The following PCIF1 variants were observed in gnomAD, a reference collection of about 807,000 sequenced individuals.
PCIF1 encodes phosphorylated CTD interacting factor 1, also known as mRNA (2'-O-methyladenosine-N(6)-)-methyltransferase.
PCIF1 carries 12 observed loss-of-function variants against 86.9 expected under a neutral mutation model. The observed-to-expected ratio is 0.14, with a 90% confidence interval of 0.09 to 0.22. The LOEUF (loss-of-function observed/expected upper bound fraction) is 0.22. Ranked by LOEUF, PCIF1 falls within the 10% of genes least tolerant of loss-of-function variation. The probability of loss-of-function intolerance (pLI) is 1.00; values close to 1 mark genes in which losing one functional copy is unlikely to be tolerated. For missense variants in PCIF1, 701 were observed against 951.1 expected, an observed-to-expected ratio of 0.74 and a Z score of 3.46; for synonymous variants, 397 against 372.0, an observed-to-expected ratio of 1.07 and a Z score of -0.77.
rs918954173 is a variant in PCIF1, at chr20:45,937,415, C to T, written c.-187-3C>T. ...TGTGACTGTTTTCCTATTTGCTTTC[C>T]AGCTGCTGATGCAAGGAATCCCCTG... On this transcript the variant is annotated splice_region_variant and splice_polypyrimidine_tract_variant and intron_variant, in intron 1 of 16. Transcript: ENST00000372409. The T allele has an allele frequency of 1.8e-5, 7 of 399,182 alleles. No homozygotes were observed. The highest frequency in any genetic ancestry group is 1.4e-4 in the African/African-American group (7 of 48,632). 24.7% of individuals were successfully genotyped at this position (399,182 alleles called of 1,614,324 possible). A position where few individuals can be genotyped will look rare whatever the true frequency, so the allele number is the denominator to read the frequency against.
chr20:45,947,841 T>A lies in PCIF1; in HGVS notation c.*86T>A. 1 of 1,536,100 alleles carries A rather than the reference T, an allele frequency of 6.5e-7. No homozygotes were observed. Among genetic ancestry groups the A allele is most frequent in the Non-Finnish European group, 8.7e-7 (1 of 1,153,412 alleles). On this transcript the variant is annotated 3_prime_UTR_variant, in exon 17 of 17. Coordinates refer to ENST00000372409, the MANE Select transcript of PCIF1 (RefSeq NM_022104.4). This position sits in a 1 kb window ranked among gnomAD's most constrained non-coding sequence, Gnocchi z 5.4. ...CCTGGGGCCTCAGAGGGACCCCGGC[T>A]GCCACTGACATATGAAGATTATGGT...
At position 45,947,698 on chromosome 20, in the gene PCIF1, C is replaced by T; in HGVS notation, c.2058C>T (p.Ala686=). 6.2e-7 allele frequency: 1 copy of T among 1,608,886 alleles called. No individual in the cohort carries two copies. The highest frequency in any genetic ancestry group is 8.5e-7 in the Non-Finnish European group (1 of 1,177,328). The change falls in exon 17 of 17, where the codon GCC becomes GCT. Residue 686 remains alanine, a synonymous_variant. Coordinates refer to ENST00000372409, the MANE Select transcript of PCIF1 (RefSeq NM_022104.4). The surrounding 1 kb of genome is among the most constrained non-coding windows in gnomAD (Gnocchi z 5.4). ...SGSSSSSSSE[A]KDRDSGREQG... is the part of the protein sequence containing the mutation. ...CTTCCTCATCGTCCTCCTCGGAGGC[C>T]AAGGACCGGGACTCGGGCCGTGAGC...
At position 45,945,851 on chromosome 20, in the gene PCIF1, G is replaced by C; in HGVS notation, c.1309G>C (p.Val437Leu). Residue 437 changes from valine to leucine, a missense_variant, in exon 12 of 17, where the codon GTC becomes CTC. By Grantham distance (32) the Val-to-Leu change is conservative (BLOSUM62 1). Around this residue, in one of 7 missense-constraint regions of PCIF1, gnomAD observed 121 missense variants for 131.7 expected, o/e 0.92. Transcript: ENST00000372409. The part of the protein sequence containing the change: ...VVCIRYKGEM[V>L]KVSRNYFSKL... ...CTGCATCCGGTATAAGGGAGAGATG[G>C]TCAAGGTCAGCCGCAACTACTTCAG... 1 of 1,613,844 alleles carries C rather than the reference G, an allele frequency of 6.2e-7. No individual in the cohort carries two copies. The highest frequency in any genetic ancestry group is 8.5e-7 in the Non-Finnish European group (1 of 1,180,046).
rs2083488972 is a variant in PCIF1, at chr20:45,943,029, T to C, written c.674-68T>C. 3.0e-5 allele frequency: 45 copies of C among 1,509,826 alleles called. 1 individual carries two copies. The South Asian group carries it at 5.1e-4, about 17-fold the overall frequency. 93.5% of individuals were successfully genotyped at this position (1,509,826 alleles called of 1,614,324 possible). A position where few individuals can be genotyped will look rare whatever the true frequency, so the allele number is the denominator to read the frequency against. On this transcript the variant is annotated intron_variant, in intron 7 of 16. Transcript: ENST00000372409. This position sits in a 1 kb window ranked among gnomAD's most constrained non-coding sequence, Gnocchi z 5.5. ...TTACTGCTGAATGCGATGCTTCCTA[T>C]ACGTGCCAAGCTCCAAGTGGGACTG...
intron 4 of PCIF1, 64 bp downstream of exon 4, chr20:45,939,403 T>C: frequency 1.9e-6 from 3 of 1,602,510 alleles, no homozygotes; most frequent in Non-Finnish European, 2.5e-6. Context: ...CTTCCCCAAA[T>C]GTACCCTGAG....
chr20:45,943,453 G>T lies in PCIF1; in HGVS notation c.905+30G>T. On this transcript the variant is annotated intron_variant, in intron 9 of 16. Coordinates refer to ENST00000372409, the MANE Select transcript of PCIF1 (RefSeq NM_022104.4). This position sits in a 1 kb window ranked among gnomAD's most constrained non-coding sequence, Gnocchi z 5.5. ...GCCTGTCTTCTGCCCCAGGCGAGAT[G>T]GGTCTGTGATTAAAGTGGCAGGTCA... 1 of 1,598,640 alleles carries T rather than the reference G, an allele frequency of 6.3e-7. No individual in the cohort carries two copies.
Position 45,939,007 on chromosome 20 carries a change from A to G in PCIF1, c.8A>G (p.Asn3Ser), listed in dbSNP as rs775884705. The change falls in exon 3 of 17, where the codon AAT (asparagine) becomes AGT (serine). Residue 3 changes from asparagine (N) to serine (S), a missense_variant. Physicochemically the swap from Asn to Ser is conservative, Grantham distance 46. Coordinates refer to ENST00000372409, the MANE Select transcript of PCIF1 (RefSeq NM_022104.4). ...TCCTGTGTGGGTGTGGAGATGGCCA[A>G]TGAGAATCACGGCAGCCCCCGGGAG... Reference protein sequence around the residue: MANENHGSPREEA... With the variant: MASENHGSPREEA... The G allele has an allele frequency of 2.5e-5, 40 of 1,613,944 alleles. No individual in the cohort carries two copies. Among genetic ancestry groups the G allele is most frequent in the East Asian group, 4.5e-5 (2 of 44,874 alleles).
At chr20:45,939,364 G>A (rs754357336) in intron 4 of PCIF1, 25 bp downstream of exon 4, 24 of 1,611,926 alleles carry the variant, frequency 1.5e-5, no homozygotes, top group Middle Eastern at 1.7e-4. Flanking sequence ...AGGGTGGGGG[G>A]GTCTCAGAGT....
rs1181445376 is a variant in PCIF1 at position 45,939,602 on chromosome 20, T to TA, written c.249+264dup. 3.3e-5 allele frequency among the ~76,000 whole-genome samples: 5 copies of TA among 152,362 alleles called. No homozygotes were observed. In the East Asian group the frequency reaches 9.6e-4, roughly 29 times the overall value. On this transcript the variant is annotated intron_variant, in intron 4 of 16. Transcript: ENST00000372409. ...GAATGAACAAGGCAGACTTGCTCCCTACGGTCGCAGAGCACCCATGGGCTG... is the reference window on the plus strand; with the variant it reads ...GAATGAACAAGGCAGACTTGCTCCCTAACGGTCGCAGAGCACCCATGGGCTG...
Position 45,945,666 on chromosome 20 carries a change from G to A in PCIF1, c.1169-45G>A, listed in dbSNP as rs371281983. The A allele has an allele frequency of 1.8e-5, 29 of 1,593,280 alleles. 1 individual carries two copies. The highest frequency in any genetic ancestry group is 1.7e-4 in the Admixed American group (10 of 59,002). The stretch of plus-strand genomic sequence containing the variant: ...GCATGTGGCCCACAGTGGCTGCAGC[G>A]TGAGAATGAGGAGTGTGGTCCCTCA... On this transcript the variant is annotated intron_variant, in intron 11 of 16. Coordinates refer to ENST00000372409, the MANE Select transcript of PCIF1 (RefSeq NM_022104.4).
rs1296306269 is a variant in PCIF1, at chr20:45,943,593, C to T, written c.906-73C>T. 33 of 1,433,042 alleles carry T rather than the reference C, an allele frequency of 2.3e-5. No individual in the cohort carries two copies. Among genetic ancestry groups the T allele is most frequent in the Middle Eastern group, 1.9e-4 (1 of 5,206 alleles). The allele number at this position is 1,433,042 out of a possible 1,614,324, so 88.8% of individuals were successfully genotyped here. A position where few individuals can be genotyped will look rare whatever the true frequency, so the allele number is the denominator to read the frequency against. Reference sequence around the variant, plus strand: ...ATGGAAGCTAGGGGTTGATACCCAGCGAGCCCATGGAATTGGGATGAGGAG... The same window carrying T: ...ATGGAAGCTAGGGGTTGATACCCAGTGAGCCCATGGAATTGGGATGAGGAG... On this transcript the variant is annotated intron_variant, in intron 9 of 16. Transcript: ENST00000372409. This position sits in a 1 kb window ranked among gnomAD's most constrained non-coding sequence, Gnocchi z 5.5.
Position 45,943,546 on chromosome 20 carries a change from C to T in PCIF1, c.906-120C>T, listed in dbSNP as rs1568794860. 1.5e-6 allele frequency: 2 copies of T among 1,354,062 alleles called. No individual in the cohort carries two copies. Among genetic ancestry groups the T allele is most frequent in the Non-Finnish European group, 1.0e-6 (1 of 976,258 alleles). 83.9% of individuals were successfully genotyped at this position (1,354,062 alleles called of 1,614,324 possible). A position where few individuals can be genotyped will look rare whatever the true frequency, so the allele number is the denominator to read the frequency against. On this transcript the variant is annotated intron_variant, in intron 9 of 16. Transcript: ENST00000372409. The surrounding 1 kb of genome is among the most constrained non-coding windows in gnomAD (Gnocchi z 5.5). Reference sequence around the variant, plus strand: ...CGGTGGCAGAAGTGGGGCCAGCTCCCAAAGGCAGAACAAGGGCTGTGATGG... The same window carrying T: ...CGGTGGCAGAAGTGGGGCCAGCTCCTAAAGGCAGAACAAGGGCTGTGATGG...
Position 45,947,608 on chromosome 20 carries a change from G to C in PCIF1, c.1968G>C (p.Thr656=), listed in dbSNP as rs61999309. ...CTGGCTTTGCCAAGTGGGCGCCGACGCCTGAACGGCTGCAGGAGCTGAGTG... is the reference window on the plus strand; with the variant it reads ...CTGGCTTTGCCAAGTGGGCGCCGACCCCTGAACGGCTGCAGGAGCTGAGTG... The part of the protein sequence containing the change: ...NDPGFAKWAP[T]PERLQELSAA... The change falls in exon 17 of 17, where the codon ACG becomes ACC. Residue 656 remains threonine (T), a synonymous_variant. Transcript: ENST00000372409. This position sits in a 1 kb window ranked among gnomAD's most constrained non-coding sequence, Gnocchi z 5.4. The C allele has an allele frequency of 5.0e-6, 8 of 1,613,056 alleles. No individual in the cohort carries two copies. Among genetic ancestry groups the C allele is most frequent in the Non-Finnish European group, 5.1e-6 (6 of 1,180,012 alleles).
chr20:45,941,143 G>T lies in PCIF1; in HGVS notation c.609G>T (p.Leu203=). ...EVLPPHPEVE[L]LRSQLILKLR... ...TGCCCCCGCATCCCGAAGTGGAACT[G>T]CTCCGCTCTCAGCTCATCCTGAAGC... Residue 203 remains leucine, a synonymous_variant, in exon 7 of 17, where the codon CTG becomes CTT. Transcript: ENST00000372409. 2.5e-6 allele frequency: 4 copies of T among 1,614,216 alleles called. No individual in the cohort carries two copies. The highest frequency in any genetic ancestry group is 3.4e-6 in the Non-Finnish European group (4 of 1,180,052).
rs760843584 is a variant in PCIF1, at chr20:45,945,698, TC to T, written c.1169-10del. The stretch of plus-strand genomic sequence containing the variant: ...TGAGGAGTGTGGTCCCTCACTGCTC[TC>T]CCTGCCCACAGAGGAGGTGGAGGCC... On this transcript the variant is annotated splice_polypyrimidine_tract_variant and intron_variant, in intron 11 of 16. Transcript: ENST00000372409. 1 of 1,610,322 alleles carries T rather than the reference TC, an allele frequency of 6.2e-7. No homozygotes were observed. The highest frequency in any genetic ancestry group is 8.5e-7 in the Non-Finnish European group (1 of 1,177,494).
Position 45,943,270 on chromosome 20 carries a change from C to A in PCIF1, c.821+26C>A. On this transcript the variant is annotated intron_variant, in intron 8 of 16. Coordinates refer to ENST00000372409, the MANE Select transcript of PCIF1 (RefSeq NM_022104.4). This position sits in a 1 kb window ranked among gnomAD's most constrained non-coding sequence, Gnocchi z 5.5. ...GTACAGCTCCACAGCTGGGGATGAC[C>A]CTGGGCCATTTGGTTTCTGTGCCCA... The A allele has an allele frequency of 6.2e-7, 1 of 1,613,964 alleles. No individual in the cohort carries two copies. The highest frequency in any genetic ancestry group is 8.5e-7 in the Non-Finnish European group (1 of 1,179,866).
In PCIF1 at chr20:45,947,337, A is replaced by C. The variant is rs773212993; in HGVS notation, c.1782A>C (p.Pro594=). The C allele has an allele frequency of 1.2e-6, 2 of 1,613,800 alleles. No homozygotes were observed. Among genetic ancestry groups the C allele is most frequent in the Non-Finnish European group, 1.7e-6 (2 of 1,180,000 alleles). The part of the protein sequence containing the change: ...FIPEWREPPT[P]ALTRMEQSRF... ...CTGAGTGGCGGGAACCCCCAACACC[A>C]GCGCTCACCCGCATGGAGCAGAGCC... Residue 594 remains proline (P), a synonymous_variant, in exon 16 of 17, where the codon CCA becomes CCC. Coordinates refer to ENST00000372409, the MANE Select transcript of PCIF1 (RefSeq NM_022104.4). The surrounding 1 kb of genome is among the most constrained non-coding windows in gnomAD (Gnocchi z 5.4).
chr20:45,947,351 T>C lies in PCIF1; in HGVS notation c.1796T>C (p.Met599Thr), dbSNP rs757074440. Reference sequence around the variant, plus strand: ...CCCCCAACACCAGCGCTCACCCGCATGGAGCAGAGCCGCTTCAAACGCCAC... The same window carrying C: ...CCCCCAACACCAGCGCTCACCCGCACGGAGCAGAGCCGCTTCAAACGCCAC... ...REPPTPALTR[M>T]EQSRFKRHQL... The change falls in exon 16 of 17, where the codon ATG becomes ACG. Residue 599 changes from methionine to threonine, a missense_variant. Transcript: ENST00000372409. This position sits in a 1 kb window ranked among gnomAD's most constrained non-coding sequence, Gnocchi z 5.4. 1.3e-5 allele frequency: 21 copies of C among 1,613,866 alleles called. No individual in the cohort carries two copies. In the South Asian group the frequency reaches 1.4e-4, roughly 11 times the overall value.
chr20:45,940,973 T>C (rs1220325270), intron 6 of PCIF1, 34 bp downstream of exon 6: 1 of 1,613,926 alleles, frequency 6.2e-7, no homozygotes, highest in Non-Finnish European at 8.5e-7. Context: ...GGGGCACCCA[T>C]TGCTAATGTC....
Sources: gnomAD v4.1 joint callset for allele counts (sites outside exome capture counted in the v4.1 genomes callset) on GRCh38, gnomAD v4.1.1 for gene constraint, gnomAD v4.1.1 regional missense constraint, Gnocchi (gnomAD v3.1) non-coding constraint, MANE v1.5 for transcripts, NCBI Gene and HGNC (gene_info 2026-07-23, HGNC 2026-07-21) for gene names.